LY75: variants seen among roughly 807,000 people sequenced by gnomAD.
The protein encoded by LY75 is C-type lectin domain family 13 member B.
LY75 carries 185 observed loss-of-function variants against 231.7 expected under a neutral mutation model. That is an observed-to-expected ratio of 0.80 (90% CI 0.71 to 0.90). The LOEUF (loss-of-function observed/expected upper bound fraction) is 0.90. Among genes scored for constraint, LY75 ranks in the 40% least tolerant of loss-of-function variants. LY75 has a pLI of 0.00. For missense variants in LY75, 1,947 were observed against 2,050.2 expected (o/e 0.95, Z 0.97); for synonymous variants, 668 against 689.0 (o/e 0.97, Z 0.48).
chr2:159,851,304 G>A (rs935035438), intron 21 of LY75, among the ~76,000 whole-genome samples: 1 of 152,092 alleles, frequency 6.6e-6, no homozygotes, highest in African/African-American at 2.4e-5. Flanking sequence ...TCACTTTAGT[G>A]TAGAGTGGTA....
chr2:159,904,499 A>G, intron 1 of LY75, 90 bp downstream of exon 1: 1 of 1,341,744 alleles, frequency 7.5e-7, no homozygotes, highest in Non-Finnish European at 9.8e-7. Context: ...GACCTGCCCC[A>G]GGGGCGCAGC....
At chr2:159,877,795 G>A (rs1421263075) in intron 11 of LY75, among the ~76,000 whole-genome samples, 1 of 151,070 alleles carries the variant, frequency 6.6e-6, no homozygotes, top group Non-Finnish European at 1.5e-5. Context: ...CTTGAACCTG[G>A]GAGGCAGAGG....
intron 13 of LY75, among the ~76,000 whole-genome samples, chr2:159,865,671 C>T (rs1228865716): frequency 6.6e-6 from 1 of 152,164 alleles, no homozygotes; most frequent in African/African-American, 2.4e-5. Context: ...GGAGAGGTCA[C>T]TGCGGACTGC....
At chr2:159,839,533 C>A (rs1415907754) in intron 25 of LY75, among the ~76,000 whole-genome samples, 1 of 152,168 alleles carries the variant, frequency 6.6e-6, no homozygotes, top group African/African-American at 2.4e-5. Flanking sequence ...ACTATTCAAC[C>A]TCCTTTTCAG....
At chr2:159,860,375 T>G (rs1377798953) in intron 15 of LY75, among the ~76,000 whole-genome samples, 2 of 152,230 alleles carry the variant, frequency 1.3e-5, no homozygotes, top group African/African-American at 4.8e-5. Context: ...TGAAACTTCT[T>G]GATCTGTATT....
intron 33 of LY75, 44 bp from the exon 34 acceptor site, chr2:159,807,184 C>G (rs1682818459): frequency 6.4e-7 from 1 of 1,573,684 alleles, no homozygotes; most frequent in African/African-American, 1.4e-5. Context: ...TGCCACTAAA[C>G]TAGTAAGTTA....
intron 33 of LY75, chr2:159,807,530 A>G (rs2556087): frequency 0.92 from 659,105 of 716,348 alleles, 303,428 homozygotes; most frequent in African/African-American, 0.96. Context: ...AAGTCATATC[A>G]TTAAAGATAT....
chr2:159,901,845 A>G (rs1219857860), intron 1 of LY75, among the ~76,000 whole-genome samples: 1 of 152,240 alleles, frequency 6.6e-6, no homozygotes, highest in Non-Finnish European at 1.5e-5. Context: ...AAGGAAACTT[A>G]TTAGCCTCCA....
intron 23 of LY75, among the ~76,000 whole-genome samples, chr2:159,847,571 C>G (rs1002097966): frequency 3.3e-5 from 5 of 152,124 alleles, no homozygotes; most frequent in South Asian, 2.1e-4. Context: ...TCCATCTTCA[C>G]TTTTCTAAGG....
At chr2:159,873,775 T>A (rs28606666) in intron 12 of LY75, among the ~76,000 whole-genome samples, 15 of 91,582 alleles carry the variant, frequency 1.6e-4, no homozygotes, top group African/African-American at 3.4e-4. Flanking sequence ...ATATATACAT[T>A]TTGTAAAAAT....
intron 32 of LY75, 33 bp from the exon 33 acceptor site, chr2:159,808,604 T>C: frequency 6.2e-7 from 1 of 1,609,410 alleles, no homozygotes; most frequent in Non-Finnish European, 8.5e-7. Context: ...CAATTAGCTT[T>C]ATGGAAACTA....
chr2:159,895,146 T>C (rs988336441), intron 2 of LY75, among the ~76,000 whole-genome samples: 3 of 152,324 alleles, frequency 2.0e-5, no homozygotes, highest in Admixed American at 2.0e-4. Context: ...CCAGTGTCCG[T>C]CTAACTAAAG....
chr2:159,833,240 C>T (rs148010281), intron 27 of LY75, among the ~76,000 whole-genome samples: 40 of 151,682 alleles, frequency 2.6e-4, no homozygotes, highest in African/African-American at 8.9e-4. Context: ...GATCCTCCCT[C>T]CTTAGCCTCC....
rs759427960 is a variant in LY75 at position 159,808,560 on chromosome 2, T to C, written c.4711A>G (p.Thr1571Ala). 6.8e-6 allele frequency: 11 copies of C among 1,613,500 alleles called. No individual in the cohort carries two copies. The highest frequency in any genetic ancestry group is 9.3e-6 in the Non-Finnish European group (11 of 1,179,920). The change falls in exon 33 of 35, where the codon ACT (threonine) becomes GCT (alanine). Residue 1571 changes from threonine to alanine, a missense_variant. By Grantham distance (58) the Thr-to-Ala change is moderately conservative (BLOSUM62 0). Coordinates refer to ENST00000263636, the MANE Select transcript of LY75 (RefSeq NM_002349.4). Reference sequence around the variant, plus strand: ...TCTTCATCTTTTATGGAAACGATAGTTGCAGAGTGATCTGTTGAAAGAAAA... The same window carrying C: ...TCTTCATCTTTTATGGAAACGATAGCTGCAGAGTGATCTGTTGAAAGAAAA... ...KLCSKHDHSA[T>A]IVSIKDEDEN...
intron 28 of LY75, among the ~76,000 whole-genome samples, chr2:159,831,002 T>C (rs1683638736): frequency 1.3e-5 from 2 of 152,340 alleles, no homozygotes; most frequent in South Asian, 4.1e-4. Flanking sequence ...ACATAGTTAG[T>C]GGAAACAAAA....
chr2:159,806,866 G>A (rs369072227), intron 34 of LY75, 107 bp downstream of exon 34: 1 of 1,340,078 alleles, frequency 7.5e-7, no homozygotes, highest in African/African-American at 1.5e-5. Context: ...ATACTTTAAG[G>A]ACTAAATACT....
intron 4 of LY75, among the ~76,000 whole-genome samples, chr2:159,888,227 A>G (rs1054478880): frequency 4.6e-5 from 7 of 152,190 alleles, no homozygotes; most frequent in African/African-American, 1.7e-4. Flanking sequence ...GTAGTATAAC[A>G]AAAAAGCTGG....
Position 159,850,051 on chromosome 2 carries a change from C to A in LY75, c.3079G>T (p.Asp1027Tyr). The A allele has an allele frequency of 1.9e-6, 3 of 1,613,986 alleles. No individual in the cohort carries two copies. Among genetic ancestry groups the A allele is most frequent in the Non-Finnish European group, 2.5e-6 (3 of 1,179,912 alleles). Reference protein sequence around the residue: ...TAYEKINKWTDNRELTYSNFH... With the variant: ...TAYEKINKWTYNRELTYSNFH... ...TTACTGTACGTCAGCTCTCTGTTAT[C>A]TGTCCATTTGTTTATCTTTTCATAG... Residue 1027 changes from aspartate to tyrosine, a missense_variant, in exon 23 of 35, where the codon GAT becomes TAT. Coordinates refer to ENST00000263636, the MANE Select transcript of LY75 (RefSeq NM_002349.4).
intron 28 of LY75, among the ~76,000 whole-genome samples, chr2:159,831,439 T>C (rs1255274788): frequency 1.3e-5 from 2 of 152,206 alleles, no homozygotes; most frequent in Non-Finnish European, 2.9e-5. Context: ...TTTTTAGCAG[T>C]GCGGGAACAA....
Sources: gnomAD v4.1 joint callset for allele counts (sites outside exome capture counted in the v4.1 genomes callset) on GRCh38, gnomAD v4.1.1 for gene constraint, MANE v1.5 for transcripts, NCBI Gene and HGNC (gene_info 2026-07-23, HGNC 2026-07-21) for gene names.